The following TRPC3 variants were observed in gnomAD, a reference collection of about 807,000 sequenced individuals.
TRPC3 encodes the protein short transient receptor potential channel 3.
Under a neutral mutation model 90.9 loss-of-function variants are expected in TRPC3, and 54 were observed. The observed-to-expected ratio is 0.59, with a 90% CI of 0.48 to 0.75. The LOEUF (loss-of-function observed/expected upper bound fraction) is 0.75. Among genes scored for constraint, TRPC3 ranks in the 30% least tolerant of loss-of-function variants. TRPC3 has a pLI of 0.00. For missense variants in TRPC3, 918 were observed against 1,194.5 expected (o/e 0.77, Z 3.41); for synonymous variants, 424 against 450.9 (o/e 0.94, Z 0.75).
intron 10 of TRPC3, among the ~76,000 whole-genome samples, chr4:121,886,100 G>A (rs1179428195): frequency 1.3e-5 from 2 of 152,146 alleles, no homozygotes; most frequent in Non-Finnish European, 2.9e-5. Context: ...TTAAGACTGG[G>A]AGAAGAAATA....
intron 2 of TRPC3, among the ~76,000 whole-genome samples, chr4:121,929,598 A>G (rs966157996): frequency 4.6e-5 from 7 of 152,184 alleles, no homozygotes; most frequent in African/African-American, 1.7e-4. Context: ...ATAACCTGTC[A>G]CCGAGCTATC....
Position 121,876,028 on chromosome 4 carries a change from A to T in TRPC3, c.*3708T>A, listed in dbSNP as rs538850943. 1.3e-5 allele frequency among the ~76,000 whole-genome samples: 2 copies of T among 150,796 alleles called. No individual in the cohort carries two copies. Among genetic ancestry groups the T allele is most frequent in the African/African-American group, 4.9e-5 (2 of 40,958 alleles). On this transcript the variant is annotated 3_prime_UTR_variant, in exon 12 of 12. Transcript: ENST00000379645. ...ATCCTCTCACCCCAGCCTCCTGAGTAACTGGAACCACAGACACATGCCACC... is the reference window on the plus strand; with the variant it reads ...ATCCTCTCACCCCAGCCTCCTGAGTTACTGGAACCACAGACACATGCCACC...
chr4:121,927,543 G>C (rs1425750210), intron 2 of TRPC3, among the ~76,000 whole-genome samples: 1 of 152,070 alleles, frequency 6.6e-6, no homozygotes, highest in Non-Finnish European at 1.5e-5. Flanking sequence ...CAGAATTACT[G>C]GGCTTCCAAA....
At chr4:121,922,742 T>C (rs943226734) in intron 3 of TRPC3, among the ~76,000 whole-genome samples, 3 of 152,222 alleles carry the variant, frequency 2.0e-5, no homozygotes, top group Non-Finnish European at 4.4e-5. Flanking sequence ...GATGTGTGAA[T>C]ATATGTCTAG....
chr4:121,914,635 A>T, intron 4 of TRPC3, 145 bp downstream of exon 4: 1 of 872,414 alleles, frequency 1.1e-6, no homozygotes, highest in Non-Finnish European at 1.6e-6. Flanking sequence ...TTGATCCAGT[A>T]ATTAAAAAGG....
chr4:121,888,567 T>TTA (rs1168970845), intron 10 of TRPC3, among the ~76,000 whole-genome samples: 1 of 152,022 alleles, frequency 6.6e-6, no homozygotes, highest in African/African-American at 2.4e-5. Flanking sequence ...GTTCTGTTTT[T>TTA]TTTTTTTTTA....
intron 1 of TRPC3, among the ~76,000 whole-genome samples, chr4:121,947,667 T>C (rs1730540375): frequency 6.6e-6 from 1 of 152,190 alleles, no homozygotes; most frequent in Non-Finnish European, 1.5e-5. Context: ...TTTAAAAAAC[T>C]GCTTTAAAGA....
At chr4:121,886,422 C>T (rs983793431) in intron 10 of TRPC3, among the ~76,000 whole-genome samples, 16 of 151,990 alleles carry the variant, frequency 1.1e-4, no homozygotes, top group African/African-American at 3.6e-4. Context: ...GGAAAAGGAC[C>T]TTGGGAATCA....
chr4:121,898,711 G>A (rs529845015), intron 10 of TRPC3, among the ~76,000 whole-genome samples: 13 of 152,274 alleles, frequency 8.5e-5, no homozygotes, highest in African/African-American at 3.1e-4. Context: ...AGATGTCTGA[G>A]ATGATGGATA....
intron 10 of TRPC3, among the ~76,000 whole-genome samples, chr4:121,887,254 T>C (rs962969178): frequency 1.3e-5 from 2 of 152,232 alleles, no homozygotes; most frequent in African/African-American, 2.4e-5. Context: ...TTATATTTAT[T>C]TCTATTTCAT....
intron 9 of TRPC3, among the ~76,000 whole-genome samples, chr4:121,902,076 T>A (rs749067527): frequency 1.6e-4 from 25 of 152,232 alleles, no homozygotes; most frequent in Non-Finnish European, 3.4e-4. Context: ...CAGGAAGGCC[T>A]ATGCTTTATG....
At chr4:121,891,218 T>G (rs13151345) in intron 10 of TRPC3, among the ~76,000 whole-genome samples, 43,505 of 151,972 alleles carry the variant, frequency 0.29, 6,943 homozygotes, top group East Asian at 0.43. Flanking sequence ...TACACATACA[T>G]TAAAAATAAA....
At chr4:121,882,754 C>T (rs1043279421) in intron 10 of TRPC3, among the ~76,000 whole-genome samples, 1 of 152,036 alleles carries the variant, frequency 6.6e-6, no homozygotes, top group Admixed American at 6.6e-5. Flanking sequence ...ACCACATTAT[C>T]ACCCATAGAC....
In TRPC3 at chr4:121,879,641, TA is replaced by T; in HGVS notation, c.*94del. On this transcript the variant is annotated 3_prime_UTR_variant, in exon 12 of 12. Coordinates refer to ENST00000379645, the MANE Select transcript of TRPC3 (RefSeq NM_001130698.2). ...TTCACATGATAAAGGTAGTTAATACTAAAAATTTACATCATAGTTTTTCAAG... is the reference window on the plus strand; with the variant it reads ...TTCACATGATAAAGGTAGTTAATACTAAAATTTACATCATAGTTTTTCAAG... 7.1e-7 allele frequency: 1 copy of T among 1,407,408 alleles called. No homozygotes were observed. Among genetic ancestry groups the T allele is most frequent in the South Asian group, 1.4e-5 (1 of 73,340 alleles). The allele number at this position is 1,407,408 out of a possible 1,614,324, so 87.2% of individuals were successfully genotyped here.
intron 3 of TRPC3, among the ~76,000 whole-genome samples, chr4:121,922,788 C>T (rs1291900880): frequency 6.6e-6 from 1 of 152,220 alleles, no homozygotes; most frequent in Non-Finnish European, 1.5e-5. Flanking sequence ...ATCAATCTTG[C>T]TCAAAACTAT....
At chr4:121,934,566 G>T (rs1730064578) in intron 1 of TRPC3, among the ~76,000 whole-genome samples, 1 of 152,114 alleles carries the variant, frequency 6.6e-6, no homozygotes, top group African/African-American at 2.4e-5. Context: ...AAAAGAAAAT[G>T]CTTTATTTCT....
intron 1 of TRPC3, among the ~76,000 whole-genome samples, chr4:121,943,850 TA>T (rs1344397614): frequency 6.6e-6 from 1 of 152,160 alleles, no homozygotes; most frequent in Non-Finnish European, 1.5e-5. Flanking sequence ...TCTCATTTTT[TA>T]AAAAGACCTA....
intron 2 of TRPC3, among the ~76,000 whole-genome samples, chr4:121,928,169 T>A (rs994622146): frequency 6.6e-6 from 1 of 151,974 alleles, no homozygotes; most frequent in Non-Finnish European, 1.5e-5. Context: ...TCATTACCTA[T>A]AAAATTATAG....
rs1727758439 is a variant in TRPC3, at chr4:121,876,260, C to T, written c.*3476G>A. 6.6e-6 allele frequency among the ~76,000 whole-genome samples: 1 copy of T among 151,140 alleles called. No homozygotes were observed. The highest frequency in any genetic ancestry group is 2.1e-4 in the South Asian group (1 of 4,744). ...GCCAAAAGTTAAAGACTAGCCTGGA[C>T]AACATAGTGAGACCCGCCTCTAAAA... On this transcript the variant is annotated 3_prime_UTR_variant, in exon 12 of 12. Coordinates refer to ENST00000379645, the MANE Select transcript of TRPC3 (RefSeq NM_001130698.2).
Sources: allele counts gnomAD v4.1 joint callset (sites outside exome capture counted in the v4.1 genomes callset), GRCh38; gene constraint gnomAD v4.1.1; transcripts MANE v1.5; gene names NCBI Gene and HGNC (gene_info 2026-07-23, HGNC 2026-07-21).